Variants in ZDHHC21 observed in about 807,000 individuals in gnomAD.
ZDHHC21 encodes palmitoyltransferase ZDHHC21.
In ZDHHC21, 15 loss-of-function variants were observed where a neutral mutation model predicts 34.6. That is an observed-to-expected ratio of 0.43 (90% CI 0.29 to 0.67). ZDHHC21 has a LOEUF of 0.67. Among genes scored for constraint, ZDHHC21 ranks in the 30% least tolerant of loss-of-function variants. The probability of loss-of-function intolerance (pLI) is 0.14; values close to 1 mark genes in which losing one functional copy is unlikely to be tolerated. For synonymous variants in ZDHHC21, 142 were observed against 101.8 expected, an observed-to-expected ratio of 1.40 and a Z score of -2.38; for missense variants, 344 against 327.7, an observed-to-expected ratio of 1.05 and a Z score of -0.38.
At chr9:14,638,016 G>A (rs1416047355) in intron 8 of ZDHHC21, among the ~76,000 whole-genome samples, 1 of 151,922 alleles carries the variant, frequency 6.6e-6, no homozygotes, top group Non-Finnish European at 1.5e-5. Flanking sequence ...CATACAATTA[G>A]AGAAAACAAT....
Position 14,670,307 on chromosome 9 carries a change from A to C in ZDHHC21, c.253+2523T>G, listed in dbSNP as rs533097274. Among the ~76,000 whole-genome samples the C allele has an allele frequency of 2.7e-3, 416 of 152,268 alleles. 2 individuals are homozygous for C. The highest frequency in any genetic ancestry group is 0.011 in the South Asian group (53 of 4,828). Reference sequence around the variant, plus strand: ...GAGAAAGCCTACAATTTTGTAATCTAGACCACAGATACAAACTACAGTCTG... The same window carrying C: ...GAGAAAGCCTACAATTTTGTAATCTCGACCACAGATACAAACTACAGTCTG... On this transcript the variant is annotated intron_variant, in intron 5 of 9. Transcript: ENST00000380916.
At chr9:14,664,745 T>C (rs375150458) in intron 5 of ZDHHC21, among the ~76,000 whole-genome samples, 28 of 151,716 alleles carry the variant, frequency 1.8e-4, no homozygotes, top group East Asian at 9.7e-4. Context: ...CACACTGACA[T>C]CTCACACAGC....
In ZDHHC21 at chr9:14,659,431, T is replaced by C. The variant is rs545121019; in HGVS notation, c.366-544A>G. 5.6e-4 allele frequency among the ~76,000 whole-genome samples: 86 copies of C among 152,330 alleles called. 1 individual carries two copies. The highest frequency in any genetic ancestry group is 9.8e-4 in the Non-Finnish European group (67 of 68,024). On this transcript the variant is annotated intron_variant, in intron 6 of 9. Coordinates refer to ENST00000380916, the MANE Select transcript of ZDHHC21 (RefSeq NM_178566.6). ...ATAAAAATGTATTCAAAACTATTTA[T>C]AAATACACACAGCTATACTTCCACC...
rs897320633 is a variant in ZDHHC21, at chr9:14,613,372, T to G, written c.*5594A>C. On this transcript the variant is annotated 3_prime_UTR_variant, in exon 10 of 10. Transcript: ENST00000380916. The stretch of plus-strand genomic sequence containing the variant: ...ATAGCACCAGGATGTTTTATAGTTG[T>G]TGAGGTTATAAAACACGAACTTCAG... 6.6e-6 allele frequency: 1 copy of G among 151,840 alleles called. No individual in the cohort carries two copies. The highest frequency in any genetic ancestry group is 1.5e-5 in the Non-Finnish European group (1 of 67,828). 9.4% of individuals were successfully genotyped at this position (151,840 alleles called of 1,614,324 possible).
At chr9:14,627,793 ATCACCCAGCACT>A (rs1360107564) in intron 8 of ZDHHC21, among the ~76,000 whole-genome samples, 1 of 152,152 alleles carries the variant, frequency 6.6e-6, no homozygotes, top group Non-Finnish European at 1.5e-5. Flanking sequence ...GACAAATACA[ATCACCCAGCACT>A]ATTAGTATTG....
At chr9:14,591,301 A>G in the ZDHHC21 span, among the ~76,000 whole-genome samples, 1 of 152,112 alleles carries the variant, frequency 6.6e-6, no homozygotes, top group African/African-American at 2.4e-5. Context: ...TTATTAGGTC[A>G]TGAGGGATCT....
intron 7 of ZDHHC21, among the ~76,000 whole-genome samples, chr9:14,644,480 C>T (rs1829937956): frequency 6.6e-6 from 1 of 151,734 alleles, no homozygotes; most frequent in African/African-American, 2.4e-5. Flanking sequence ...TTCATCTTAG[C>T]ATGCTATAGT....
At chr9:14,603,026 G>T in the ZDHHC21 span, among the ~76,000 whole-genome samples, 2 of 151,142 alleles carry the variant, frequency 1.3e-5, no homozygotes, top group Admixed American at 1.3e-4. Flanking sequence ...ACAGGTCCGC[G>T]TTTCCTGGAG....
chr9:14,600,271 C>A, the ZDHHC21 span, among the ~76,000 whole-genome samples: 1 of 152,164 alleles, frequency 6.6e-6, no homozygotes, highest in Non-Finnish European at 1.5e-5. Context: ...TGACTCAGCC[C>A]AACATCTCCT....
chr9:14,625,551 T>C (rs143729088), intron 8 of ZDHHC21, among the ~76,000 whole-genome samples: 2 of 152,158 alleles, frequency 1.3e-5, no homozygotes, highest in African/African-American at 2.4e-5. Context: ...GCTTACCTCA[T>C]AGGTTTTTGT....
intron 7 of ZDHHC21, among the ~76,000 whole-genome samples, chr9:14,654,612 C>T (rs547528373): frequency 7.9e-5 from 12 of 151,642 alleles, no homozygotes; most frequent in African/African-American, 1.7e-4. Flanking sequence ...GTGATTAACA[C>T]GTTTAAAAAA....
chr9:14,689,716 G>C (rs1179766235), intron 2 of ZDHHC21, among the ~76,000 whole-genome samples: 1 of 152,004 alleles, frequency 6.6e-6, no homozygotes, highest in Admixed American at 6.6e-5. Flanking sequence ...TTCCCTGCTT[G>C]CATTAACTTG....
At chr9:14,677,558 G>C (rs1433145615) in intron 3 of ZDHHC21, 2 of 151,976 alleles carry the variant, frequency 1.3e-5, no homozygotes, top group Non-Finnish European at 2.9e-5. Flanking sequence ...ACTTTCATTA[G>C]CTGGAGATTC....
At chr9:14,634,617 C>T (rs972407363) in intron 8 of ZDHHC21, among the ~76,000 whole-genome samples, 1 of 152,190 alleles carries the variant, frequency 6.6e-6, no homozygotes, top group Admixed American at 6.5e-5. Flanking sequence ...AATCCTACAG[C>T]AACTATAATA....
intron 5 of ZDHHC21, among the ~76,000 whole-genome samples, chr9:14,663,222 T>C (rs1433956106): frequency 6.6e-6 from 1 of 152,168 alleles, no homozygotes; most frequent in Non-Finnish European, 1.5e-5. Flanking sequence ...TGGAATGGAA[T>C]TTTTCTTTTA....
At chr9:14,671,519 G>A (rs1449895015) in intron 5 of ZDHHC21, among the ~76,000 whole-genome samples, 2 of 152,020 alleles carry the variant, frequency 1.3e-5, no homozygotes, top group African/African-American at 4.8e-5. Flanking sequence ...AAAACTATGA[G>A]TGAATACATG....
chr9:14,640,110 T>C (rs1238008690), intron 7 of ZDHHC21, 98 bp from the exon 8 acceptor site: 3 of 596,644 alleles, frequency 5.0e-6, no homozygotes, highest in East Asian at 2.7e-5. Flanking sequence ...ACATCTTCCT[T>C]ATTATCTTAA....
At chr9:14,665,072 C>A (rs1033978006) in intron 5 of ZDHHC21, among the ~76,000 whole-genome samples, 3 of 77,134 alleles carry the variant, frequency 3.9e-5, no homozygotes, top group African/African-American at 1.5e-4. Flanking sequence ...GACATTCAAA[C>A]CAAAGGCAAA....
Position 14,619,047 on chromosome 9 carries a change from A to T in ZDHHC21, c.717T>A (p.Thr239=). The part of the protein sequence containing the change: ...WQQTFSEVFG[T]RWKILWFIPF... ...GAATGAACCACAGGATCTTCCAACGAGTGCCAAAAACTTCTGAGAAGGTCT... is the reference window on the plus strand; with the variant it reads ...GAATGAACCACAGGATCTTCCAACGTGTGCCAAAAACTTCTGAGAAGGTCT... The change falls in exon 10 of 10, where the codon ACT becomes ACA. Residue 239 remains threonine, a synonymous_variant. Transcript: ENST00000380916. 2 of 1,612,394 alleles carry T rather than the reference A, an allele frequency of 1.2e-6. No individual in the cohort carries two copies. Among genetic ancestry groups the T allele is most frequent in the Non-Finnish European group, 1.7e-6 (2 of 1,179,096 alleles).
Sources: gnomAD v4.1 joint callset for allele counts (sites outside exome capture counted in the v4.1 genomes callset) on GRCh38, gnomAD v4.1.1 for gene constraint, MANE v1.5 for transcripts, NCBI Gene and HGNC (gene_info 2026-07-23, HGNC 2026-07-21) for gene names.